BPGM: variants seen among roughly 807,000 people sequenced by gnomAD.
BPGM encodes the protein 2,3-bisphosphoglycerate mutase, erythrocyte.
A neutral mutation model predicts 21.6 loss-of-function variants in BPGM; 15 were observed. That is an observed-to-expected ratio of 0.70 (90% confidence interval 0.47 to 1.07). The LOEUF is 1.07. Ranked by LOEUF, BPGM falls within the 50% of genes least tolerant of loss-of-function variation. BPGM has a pLI of 0.00. For synonymous variants in BPGM, 113 were observed against 116.2 expected (o/e 0.97, Z 0.18); for missense variants, 273 against 319.0 (o/e 0.86, Z 1.10).
At chr7:134,660,326 G>C (rs911388873) in intron 1 of BPGM, 2 of 152,258 alleles carry the variant, frequency 1.3e-5, no homozygotes, top group Admixed American at 6.5e-5. Context: ...TGTAGTGCTC[G>C]TATAATCTTT....
chr7:134,671,598 C>T (rs1795905829), intron 2 of BPGM, among the ~76,000 whole-genome samples: 1 of 152,120 alleles, frequency 6.6e-6, no homozygotes, highest in African/African-American at 2.4e-5. Context: ...ATCTCCTGAC[C>T]TCGTGATTGC....
chr7:134,679,070 G>A lies in BPGM; in HGVS notation c.*39G>A. On this transcript the variant is annotated 3_prime_UTR_variant, in exon 3 of 3. Coordinates refer to ENST00000344924, the MANE Select transcript of BPGM (RefSeq NM_001724.5). ...TTGGCTAAGAAGAAATGCAAAAGAA[G>A]TGGCATAGGAGTGTGTTATGGGTGC... 1 of 1,604,838 alleles carries A rather than the reference G, an allele frequency of 6.2e-7. No individual in the cohort carries two copies. The highest frequency in any genetic ancestry group is 8.5e-7 in the Non-Finnish European group (1 of 1,172,556).
At chr7:134,659,939 A>G (rs541223365) in intron 1 of BPGM, among the ~76,000 whole-genome samples, 7 of 152,318 alleles carry the variant, frequency 4.6e-5, no homozygotes, top group African/African-American at 1.7e-4. Context: ...CATATGAAAA[A>G]ACATAAGTAA....
intron 1 of BPGM, among the ~76,000 whole-genome samples, chr7:134,656,729 G>A (rs917140619): frequency 6.6e-6 from 1 of 152,132 alleles, no homozygotes; most frequent in African/African-American, 2.4e-5. Flanking sequence ...CATGACACAT[G>A]GGGATTATGG....
At chr7:134,659,150 A>G (rs1021775170) in intron 1 of BPGM, among the ~76,000 whole-genome samples, 4 of 152,168 alleles carry the variant, frequency 2.6e-5, no homozygotes, top group Admixed American at 6.5e-5. Context: ...TCACTTGACA[A>G]GATAAACTGA....
At chr7:134,658,700 C>T (rs1226568524) in intron 1 of BPGM, 1 of 152,136 alleles carries the variant, frequency 6.6e-6, no homozygotes, top group Admixed American at 6.5e-5. Context: ...GGGAAAAGTC[C>T]GTTGATAGTA....
intron 2 of BPGM, among the ~76,000 whole-genome samples, 170 bp downstream of exon 2, chr7:134,662,278 T>G (rs1795748753): frequency 6.6e-6 from 1 of 152,250 alleles, no homozygotes; most frequent in Admixed American, 6.5e-5. Flanking sequence ...TTGTGTGTTT[T>G]CTGTTCCTGT....
At chr7:134,663,535 T>C (rs1016078607) in intron 2 of BPGM, among the ~76,000 whole-genome samples, 4 of 152,226 alleles carry the variant, frequency 2.6e-5, no homozygotes, top group African/African-American at 9.6e-5. Context: ...CATAGTATTT[T>C]ATTGTTTGAA....
rs1796020024 is a variant in BPGM, at chr7:134,678,872, C to T, written c.621C>T (p.Ile207=). 4 of 1,614,006 alleles carry T rather than the reference C, an allele frequency of 2.5e-6. No individual in the cohort carries two copies. Among genetic ancestry groups the T allele is most frequent in the Non-Finnish European group, 3.4e-6 (4 of 1,179,888 alleles). Residue 207 remains isoleucine, a synonymous_variant, in exon 3 of 3, where the codon ATC becomes ATT. Transcript: ENST00000344924. ...CAACAGGTATCTCAGATGAAGACAT[C>T]ATCAACATTACTCTTCCTACTGGAG... ...KHLEGISDED[I]INITLPTGVP...
rs1796028421 is a variant in BPGM at position 134,679,249 on chromosome 7, CT to C, written c.*219del. On this transcript the variant is annotated 3_prime_UTR_variant, in exon 3 of 3. Transcript: ENST00000344924. ...ATGAGTTAGCTTTCTTGCTAGCCCC[CT>C]AGTCGGTCACCAAACTAGTAACTAG... 1.8e-6 allele frequency: 1 copy of C among 567,940 alleles called. No homozygotes were observed. The highest frequency in any genetic ancestry group is 1.9e-5 in the African/African-American group (1 of 53,258). 35.2% of individuals were successfully genotyped at this position (567,940 alleles called of 1,614,324 possible).
chr7:134,661,774 G>T lies in BPGM; in HGVS notation c.267G>T (p.Glu89Asp), dbSNP rs1165953417. The change falls in exon 2 of 3, where the codon GAG (glutamate) becomes GAT (aspartate). Residue 89 changes from glutamate to aspartate, a missense_variant. Glu to Asp is a conservative substitution (Grantham distance 45). Transcript: ENST00000344924. The surrounding 1 kb of genome is among the most constrained non-coding windows in gnomAD (Gnocchi z 4.6). ...VPVESSWRLN[E>D]RHYGALIGLN... The stretch of plus-strand genomic sequence containing the variant: ...TGGAAAGCTCCTGGCGTCTAAATGA[G>T]CGTCACTATGGGGCCTTGATCGGTC... 1 of 1,614,160 alleles carries T rather than the reference G, an allele frequency of 6.2e-7. No homozygotes were observed. Among genetic ancestry groups the T allele is most frequent in the Admixed American group, 1.7e-5 (1 of 60,008 alleles).
intron 2 of BPGM, among the ~76,000 whole-genome samples, chr7:134,673,605 T>G (rs1240785403): frequency 6.6e-6 from 1 of 152,184 alleles, no homozygotes; most frequent in Non-Finnish European, 1.5e-5. Flanking sequence ...ACATGGCCCA[T>G]CATAATCGCA....
At chr7:134,667,412 C>G (rs758113406) in intron 2 of BPGM, among the ~76,000 whole-genome samples, 7 of 152,144 alleles carry the variant, frequency 4.6e-5, no homozygotes, top group Admixed American at 2.0e-4. Context: ...GGTTACCTCA[C>G]TATAAAAATA....
At chr7:134,662,216 C>A in intron 2 of BPGM, 108 bp downstream of exon 2, 2 of 1,412,434 alleles carry the variant, frequency 1.4e-6, no homozygotes, top group Non-Finnish European at 2.0e-6. Context: ...CTCCTCTATC[C>A]CCCTTTGTCA....
Position 134,646,909 on chromosome 7 carries a change from TG to T in BPGM, c.-89del. On this transcript the variant is annotated 5_prime_UTR_variant, in exon 1 of 3. It removes the in-frame stop codon of an upstream open reading frame in the 5' UTR. Coordinates refer to ENST00000344924, the MANE Select transcript of BPGM (RefSeq NM_001724.5). ...GGCTCGGAGGAGCGGCTGCTGCTGC[TG>T]CTGCTGCTGCTGGTGGCCCCTTTGC... 1 of 189,834 alleles carries T rather than the reference TG, an allele frequency of 5.3e-6. No individual in the cohort carries two copies. Among genetic ancestry groups the T allele is most frequent in the Non-Finnish European group, 1.1e-5 (1 of 88,188 alleles). The allele number at this position is 189,834 out of a possible 1,614,324, so 11.8% of individuals were successfully genotyped here.
intron 2 of BPGM, among the ~76,000 whole-genome samples, chr7:134,666,497 G>A (rs1795823405): frequency 6.6e-6 from 1 of 152,166 alleles, no homozygotes; most frequent in African/African-American, 2.4e-5. Context: ...CCATAGCCTA[G>A]AAAACTAATG....
intron 1 of BPGM, among the ~76,000 whole-genome samples, chr7:134,654,566 T>C (rs997427092): frequency 7.2e-5 from 11 of 152,136 alleles, no homozygotes; most frequent in Non-Finnish European, 1.3e-4. Flanking sequence ...CCAAGTAACA[T>C]TGAACTAACA....
chr7:134,664,957 G>C (rs1795792001), intron 2 of BPGM, among the ~76,000 whole-genome samples: 1 of 152,196 alleles, frequency 6.6e-6, no homozygotes, highest in Non-Finnish European at 1.5e-5. Context: ...GATTTTGCAA[G>C]TGATTTGCTG....
rs113825067 is a variant in BPGM, at chr7:134,676,433, A to G, written c.602-2420A>G. ...ATTTTTTATAGTGAAAATTTAGATT[A>G]TTTGGAGAAATCTATAAAATCCATT... On this transcript the variant is annotated intron_variant, in intron 2 of 2. Coordinates refer to ENST00000344924, the MANE Select transcript of BPGM (RefSeq NM_001724.5). Among the ~76,000 whole-genome samples, 460 of 152,286 alleles carry G rather than the reference A, an allele frequency of 3.0e-3. 4 individuals carry two copies. Among genetic ancestry groups the G allele is most frequent in the African/African-American group, 0.011 (445 of 41,544 alleles).
Sources: gnomAD v4.1 joint callset for allele counts (sites outside exome capture counted in the v4.1 genomes callset) on GRCh38, gnomAD v4.1.1 for gene constraint, Gnocchi (gnomAD v3.1) non-coding constraint, MANE v1.5 for transcripts, NCBI Gene and HGNC (gene_info 2026-07-23, HGNC 2026-07-21) for gene names.